CDC14A: variants seen among roughly 807,000 people sequenced by gnomAD.
The protein encoded by CDC14A is cell division cycle 14A, also known as dual specificity protein phosphatase CDC14A.
Under a neutral mutation model 74.4 loss-of-function variants are expected in CDC14A, and 53 were observed. That is an observed-to-expected ratio of 0.71 (90% CI 0.57 to 0.89). The LOEUF is 0.89. Among genes scored for constraint, CDC14A ranks in the 40% least tolerant of loss-of-function variants. The pLI, the probability that CDC14A is intolerant of heterozygous loss-of-function variation, is 0.00. For synonymous variants in CDC14A, 247 were observed against 258.4 expected (o/e 0.96, Z 0.43); for missense variants, 646 against 713.7 (o/e 0.91, Z 1.08).
At chr1:100,515,418 G>A (rs1650121522) in intron 15 of CDC14A, among the ~76,000 whole-genome samples, 1 of 139,494 alleles carries the variant, frequency 7.2e-6, no homozygotes, top group East Asian at 2.1e-4. Context: ...GAGTTTTGCT[G>A]TGTCACCCAG....
chr1:100,390,349 A>G (rs1293329789), intron 3 of CDC14A, among the ~76,000 whole-genome samples: 1 of 152,210 alleles, frequency 6.6e-6, no homozygotes, highest in Non-Finnish European at 1.5e-5. Flanking sequence ...TATGAAAACT[A>G]TAGATAATAT....
chr1:100,423,781 G>C, intron 4 of CDC14A: 1 of 164,128 alleles, frequency 6.1e-6, no homozygotes, highest in South Asian at 1.7e-4. Flanking sequence ...TCAAGAGTAG[G>C]CTGAAAATTC....
intron 10 of CDC14A, among the ~76,000 whole-genome samples, chr1:100,468,922 T>G (rs1668116850): frequency 6.6e-6 from 1 of 152,084 alleles, no homozygotes; most frequent in African/African-American, 2.4e-5. Flanking sequence ...TTATTTTAAT[T>G]TTAATTTTTT....
intron 15 of CDC14A, chr1:100,499,611 T>A: frequency 1.7e-6 from 1 of 592,932 alleles, no homozygotes; most frequent in Middle Eastern, 4.6e-4. Context: ...TCTGAATATC[T>A]GGTGCTAAGC....
chr1:100,358,294 G>A lies in CDC14A; in HGVS notation c.140+4442G>A, dbSNP rs28621637. Among the ~76,000 whole-genome samples the A allele has an allele frequency of 2.6e-3, 397 of 152,242 alleles. 4 individuals carry two copies. Among genetic ancestry groups the A allele is most frequent in the African/African-American group, 9.2e-3 (383 of 41,516 alleles). ...ATTGGGCCCCGTAATCCAAACAGGC[G>A]CTTACTTTTAATAACTTGGCTTACT... On this transcript the variant is annotated intron_variant, in intron 2 of 15. Coordinates refer to ENST00000336454, the MANE Select transcript of CDC14A (RefSeq NM_003672.4).
intron 4 of CDC14A, among the ~76,000 whole-genome samples, chr1:100,406,599 G>T (rs1193828359): frequency 6.6e-6 from 1 of 151,976 alleles, no homozygotes; most frequent in Non-Finnish European, 1.5e-5. Context: ...TCTGCTTATG[G>T]CTAGCCAGCT....
At chr1:100,389,408 C>A (rs1009933993) in intron 3 of CDC14A, among the ~76,000 whole-genome samples, 1 of 146,642 alleles carries the variant, frequency 6.8e-6, no homozygotes, top group Non-Finnish European at 1.5e-5. Context: ...GCCGAGGTTG[C>A]GCCACTGCAC....
chr1:100,466,637 G>A (rs753047656), intron 9 of CDC14A, among the ~76,000 whole-genome samples: 2 of 152,110 alleles, frequency 1.3e-5, no homozygotes, highest in Non-Finnish European at 2.9e-5. Context: ...TTGGGAGGCC[G>A]AGGAGGGCAG....
In CDC14A at chr1:100,518,268, T is replaced by G. The variant is rs756435795; in HGVS notation, c.1773T>G (p.Tyr591Ter). ...SRSIPSLQSE[Y>*]VHY is the part of the protein sequence containing the mutation. ...CTGCACAGTCCCTTCAGTCTGAATATGTTCATTACTAAGGCCTTGCCACTC... is the reference window on the plus strand; with the variant it reads ...CTGCACAGTCCCTTCAGTCTGAATAGGTTCATTACTAAGGCCTTGCCACTC... Residue 591 changes from tyrosine to a stop codon, truncating the protein, a stop_gained, in exon 16 of 16, where the codon TAT (tyrosine) becomes TAG (stop). Coordinates refer to ENST00000336454, the MANE Select transcript of CDC14A (RefSeq NM_003672.4). LOFTEE classifies it high-confidence loss of function. The G allele has an allele frequency of 1.9e-6, 3 of 1,611,654 alleles. No individual in the cohort carries two copies. Among genetic ancestry groups the G allele is most frequent in the Middle Eastern group, 1.7e-4 (1 of 6,058 alleles).
chr1:100,451,994 A>C (rs1348763915), intron 7 of CDC14A, among the ~76,000 whole-genome samples: 1 of 152,238 alleles, frequency 6.6e-6, no homozygotes, highest in Non-Finnish European at 1.5e-5. Context: ...GCAAATGTCT[A>C]AATGAATGTT....
chr1:100,384,507 A>T (rs535665312), intron 3 of CDC14A, among the ~76,000 whole-genome samples: 1 of 152,174 alleles, frequency 6.6e-6, no homozygotes, highest in African/African-American at 2.4e-5. Context: ...AATATTTTGC[A>T]TTAAATATTC....
At chr1:100,352,395 T>G (rs1570929023), upstream of CDC14A, 3 of 880,756 alleles carry the variant, frequency 3.4e-6, no homozygotes, top group Middle Eastern at 5.7e-4. Context: ...CGCGGAGTCG[T>G]GAAAGTGGAG....
chr1:100,465,762 C>G (rs975138276), intron 9 of CDC14A, among the ~76,000 whole-genome samples: 1 of 152,206 alleles, frequency 6.6e-6, no homozygotes, highest in Non-Finnish European at 1.5e-5. Flanking sequence ...TTGAAATTCT[C>G]TACCACAAAT....
chr1:100,348,156 C>T (rs1294118204), upstream of CDC14A, among the ~76,000 whole-genome samples: 3 of 152,064 alleles, frequency 2.0e-5, no homozygotes, highest in Non-Finnish European at 4.4e-5. Flanking sequence ...GTGGTGCACG[C>T]CTGTAGTCCC....
At chr1:100,397,301 T>C (rs1658645582) in intron 4 of CDC14A, among the ~76,000 whole-genome samples, 1 of 152,164 alleles carries the variant, frequency 6.6e-6, no homozygotes, top group Admixed American at 6.6e-5. Context: ...ATTGTGACAT[T>C]GTGCTCCTTG....
Position 100,484,672 on chromosome 1 carries a change from C to T in CDC14A, c.1137+221C>T, listed in dbSNP as rs1571312854. The T allele has an allele frequency of 2.7e-6, 3 of 1,131,540 alleles. No individual in the cohort carries two copies. In the East Asian group the frequency reaches 1.3e-4, roughly 48 times the overall value. 70.1% of individuals were successfully genotyped at this position (1,131,540 alleles called of 1,614,324 possible). A position where few individuals can be genotyped will look rare whatever the true frequency, so the allele number is the denominator to read the frequency against. On this transcript the variant is annotated intron_variant, in intron 11 of 15. Coordinates refer to ENST00000336454, the MANE Select transcript of CDC14A (RefSeq NM_003672.4). ...TTTAAGGAGTAAATTATAAAGGAGG[C>T]TACTCTGGTAAGGGGTAATATTTAT... is the stretch of plus-strand genomic sequence containing the variant.
intron 11 of CDC14A, among the ~76,000 whole-genome samples, chr1:100,491,562 A>ATT: frequency 1.3e-5 from 1 of 77,736 alleles, no homozygotes; most frequent in African/African-American, 6.0e-5. Flanking sequence ...ATATATATAT[A>ATT]TATATATATA....
At chr1:100,369,650 G>A (rs879887960) in intron 2 of CDC14A, among the ~76,000 whole-genome samples, 1 of 151,910 alleles carries the variant, frequency 6.6e-6, no homozygotes, top group African/African-American at 2.4e-5. Context: ...CATAGTTTGC[G>A]AATATTTTTC....
At chr1:100,475,407 G>A (rs1474122051) in intron 10 of CDC14A, among the ~76,000 whole-genome samples, 1 of 152,128 alleles carries the variant, frequency 6.6e-6, no homozygotes, top group Non-Finnish European at 1.5e-5. Flanking sequence ...GGCATTTAGC[G>A]ATCATCTCTT....
Sources: gnomAD v4.1 joint callset for allele counts (sites outside exome capture counted in the v4.1 genomes callset) on GRCh38, gnomAD v4.1.1 for gene constraint, MANE v1.5 for transcripts, NCBI Gene and HGNC (gene_info 2026-07-23, HGNC 2026-07-21) for gene names.